Variants in ACSM2A observed in about 807,000 individuals in gnomAD.
The protein encoded by ACSM2A is acyl-coenzyme A synthetase ACSM2A, mitochondrial.
ACSM2A carries 72 observed loss-of-function variants against 76.6 expected under a neutral mutation model. That is an observed-to-expected ratio of 0.94 (90% CI 0.78 to 1.14). The LOEUF (loss-of-function observed/expected upper bound fraction) is 1.14. ACSM2A is among the 50% of genes most tolerant of loss of function. The probability of loss-of-function intolerance (pLI) is 0.00; values close to 1 mark genes in which losing one functional copy is unlikely to be tolerated. For missense variants in ACSM2A, 684 were observed against 708.5 expected (o/e 0.97, Z 0.39); for synonymous variants, 249 against 255.9 (o/e 0.97, Z 0.26).
Position 20,486,882 on chromosome 16 carries a change from AGGGT to A in ACSM2A, c.*205_*208del. 1.8e-6 allele frequency: 1 copy of A among 550,590 alleles called. No homozygotes were observed. The highest frequency in any genetic ancestry group is 3.1e-6 in the Non-Finnish European group (1 of 327,782). 34.1% of individuals were successfully genotyped at this position (550,590 alleles called of 1,614,324 possible). On this transcript the variant is annotated 3_prime_UTR_variant, in exon 14 of 14. Coordinates refer to ENST00000573854, the MANE Select transcript of ACSM2A (RefSeq NM_001308172.2). ...AGGAATGAGAGAGAGTGAAAAGGAG[AGGGT>A]AACAGAAAAAAAGGAAAGAAAAGTA...
rs199594429 is a variant in ACSM2A at position 20,465,549 on chromosome 16, G to A, written c.210G>A (p.Trp70Ter). 4 of 1,613,974 alleles carry A rather than the reference G, an allele frequency of 2.5e-6. No homozygotes were observed. In the East Asian group the frequency reaches 6.7e-5, roughly 27 times the overall value. The change falls in exon 3 of 14, where the codon TGG (tryptophan) becomes TGA (stop). Residue 70 changes from tryptophan (W) to a stop codon, truncating the protein, a stop_gained. Transcript: ENST00000573854. LOFTEE classifies it high-confidence loss of function. The part of the protein sequence containing the change: ...AGKRLPSPAL[W>*]WVNGKGKELM... ...AGCGACTCCCAAGCCCAGCCCTGTG[G>A]TGGGTGAATGGGAAGGGGAAGGAAT... is the stretch of plus-strand genomic sequence containing the variant.
At chr16:20,485,285 A>G (rs1357609688) in intron 13 of ACSM2A, among the ~76,000 whole-genome samples, 1 of 152,208 alleles carries the variant, frequency 6.6e-6, no homozygotes, top group African/African-American at 2.4e-5. Flanking sequence ...TCTTACTCAA[A>G]TATCTCAATA....
intron 13 of ACSM2A, among the ~76,000 whole-genome samples, chr16:20,485,343 G>A (rs1004010412): frequency 3.9e-5 from 6 of 152,092 alleles, no homozygotes; most frequent in Admixed American, 6.5e-5. Context: ...TCAAGGCAGC[G>A]GATTATTTGC....
intron 1 of ACSM2A, among the ~76,000 whole-genome samples, chr16:20,458,435 GTATA>G (rs1459149055): frequency 8.5e-6 from 1 of 117,510 alleles, no homozygotes; most frequent in African/African-American, 3.6e-5. Context: ...CAGTTATGTA[GTATA>G]TATAACTATT....
chr16:20,464,699 C>A (rs1276998197), intron 2 of ACSM2A, among the ~76,000 whole-genome samples: 1 of 152,016 alleles, frequency 6.6e-6, no homozygotes, highest in African/African-American at 2.4e-5. Flanking sequence ...TTGGAGAGGA[C>A]AAATATTCAG....
chr16:20,476,551 A>G (rs1181917950), intron 8 of ACSM2A: 3 of 985,294 alleles, frequency 3.0e-6, no homozygotes, highest in Non-Finnish European at 3.6e-6. Context: ...TGTGGCAAGC[A>G]TACCCTGGCA....
intron 2 of ACSM2A, among the ~76,000 whole-genome samples, chr16:20,462,515 C>T (rs1000378752): frequency 3.3e-5 from 5 of 152,282 alleles, no homozygotes; most frequent in African/African-American, 1.2e-4. Context: ...CAGACACTCT[C>T]ATGTGTTACC....
At chr16:20,458,933 C>CAT (rs1213129201) in intron 1 of ACSM2A, among the ~76,000 whole-genome samples, 30 of 34,212 alleles carry the variant, frequency 8.8e-4, no homozygotes, top group Middle Eastern at 0.011. Flanking sequence ...TATATATATA[C>CAT]ATATATATAT....
intron 8 of ACSM2A, chr16:20,477,021 G>C: frequency 4.8e-6 from 1 of 208,910 alleles, no homozygotes; most frequent in Non-Finnish European, 9.1e-6. Context: ...GTATATTTTA[G>C]GCCTTACAGA....
intron 10 of ACSM2A, 65 bp from the exon 11 acceptor site, chr16:20,480,508 G>T: frequency 1.3e-6 from 2 of 1,550,014 alleles, no homozygotes; most frequent in South Asian, 2.5e-5. Context: ...TTTGTTCATG[G>T]CAGCCCCAGG....
At chr16:20,468,717 G>T (rs370378593) in intron 3 of ACSM2A, among the ~76,000 whole-genome samples, 6 of 152,210 alleles carry the variant, frequency 3.9e-5, no homozygotes, top group East Asian at 1.9e-4. Flanking sequence ...ATTAAAATAG[G>T]AAACAAGAAC....
In ACSM2A at chr16:20,455,100, GAA is replaced by G. The variant is rs139157302; in HGVS notation, c.-9+3428_-9+3429del. On this transcript the variant is annotated intron_variant, in intron 1 of 13. Coordinates refer to ENST00000573854, the MANE Select transcript of ACSM2A (RefSeq NM_001308172.2). ...CTTAGCCAAATCCAACAAAGACAAA[GAA>G]AAAAAAAATTTTCAATGAACAAAGC... Among the ~76,000 whole-genome samples, 10 of 132,644 alleles carry G rather than the reference GAA, an allele frequency of 7.5e-5. No individual in the cohort carries two copies. In the East Asian group the frequency reaches 8.8e-4, roughly 12 times the overall value. The allele number at this position is 132,644 out of a possible 152,430, so 87.0% of individuals were successfully genotyped here.
intron 2 of ACSM2A, among the ~76,000 whole-genome samples, chr16:20,465,119 A>C (rs190284888): frequency 2.6e-5 from 4 of 152,200 alleles, no homozygotes; most frequent in African/African-American, 9.6e-5. Context: ...AGAGGATCCA[A>C]TGTTTTTCTA....
chr16:20,465,379 A>T, intron 2 of ACSM2A, 138 bp from the exon 3 acceptor site: 2 of 1,164,350 alleles, frequency 1.7e-6, no homozygotes, highest in Non-Finnish European at 2.4e-6. Flanking sequence ...TAGAATTTTC[A>T]ATACCTTTTA....
chr16:20,469,808 C>T, intron 4 of ACSM2A, 89 bp downstream of exon 4: 1 of 1,549,048 alleles, frequency 6.5e-7, no homozygotes, highest in Non-Finnish European at 8.8e-7. Flanking sequence ...TGAGGAGGTG[C>T]AGAAAGAACA....
chr16:20,458,598 T>TA (rs2012355245), intron 1 of ACSM2A, among the ~76,000 whole-genome samples: 3 of 142,520 alleles, frequency 2.1e-5, no homozygotes, highest in South Asian at 2.1e-4. Context: ...TATATATTTT[T>TA]TATATATATA....
chr16:20,473,838 G>A, intron 6 of ACSM2A: 3 of 274,830 alleles, frequency 1.1e-5, no homozygotes, highest in South Asian at 3.3e-5. Flanking sequence ...AAAAAAAAAA[G>A]ATTACAACCT....
chr16:20,464,285 G>A (rs1596649515), intron 2 of ACSM2A, among the ~76,000 whole-genome samples: 1 of 152,192 alleles, frequency 6.6e-6, no homozygotes, highest in East Asian at 1.9e-4. Flanking sequence ...TATCTTTACA[G>A]CAATATCCCA....
intron 13 of ACSM2A, among the ~76,000 whole-genome samples, chr16:20,486,291 G>C (rs2014379217): frequency 6.6e-6 from 1 of 152,252 alleles, no homozygotes; most frequent in Non-Finnish European, 1.5e-5. Flanking sequence ...GGGGTCCAGA[G>C]AGACTGATGT....
Sources: gnomAD v4.1 joint callset for allele counts (sites outside exome capture counted in the v4.1 genomes callset) on GRCh38, gnomAD v4.1.1 for gene constraint, MANE v1.5 for transcripts, NCBI Gene and HGNC (gene_info 2026-07-23, HGNC 2026-07-21) for gene names.